The following RIT2 variants were observed in gnomAD, a reference collection of about 807,000 sequenced individuals.
RIT2 encodes Ras like without CAAX 2.
RIT2 carries 24 observed loss-of-function variants against 23.7 expected under a neutral mutation model. The ratio of observed to expected loss-of-function variants is 1.01; its 90% CI spans 0.73 to 1.43. The LOEUF is 1.43. Among genes scored for constraint, RIT2 ranks in the 40% most tolerant of loss-of-function variants. RIT2 has a pLI of 0.00. For missense variants in RIT2, 236 were observed against 266.9 expected (o/e 0.88, Z 0.81); for synonymous variants, 107 against 91.1 (o/e 1.17, Z -0.99).
At chr18:42,878,440 G>T (rs1046379118) in intron 4 of RIT2, among the ~76,000 whole-genome samples, 5 of 151,926 alleles carry the variant, frequency 3.3e-5, no homozygotes, top group Non-Finnish European at 2.9e-5. Flanking sequence ...TTCAGGTTGA[G>T]TAGGCTGAGA....
intron 4 of RIT2, among the ~76,000 whole-genome samples, chr18:42,847,986 C>G (rs1332112809): frequency 1.3e-5 from 2 of 150,472 alleles, no homozygotes; most frequent in Non-Finnish European, 3.0e-5. Context: ...TGTGATAGGC[C>G]TCCTAGATCC....
chr18:42,815,506 C>A (rs745474709), intron 4 of RIT2, among the ~76,000 whole-genome samples: 1 of 152,078 alleles, frequency 6.6e-6, no homozygotes, highest in Non-Finnish European at 1.5e-5. Context: ...TATCACTGTT[C>A]CCAAGGAAAA....
Position 43,115,563 on chromosome 18 carries a change from C to T in RIT2, c.-44G>A, listed in dbSNP as rs764157969. Reference sequence around the variant, plus strand: ...GGAAAAAAAGAAGGAGAAAGTCACCCGTGTCAGGTGCTTGCTCGAATATTA... The same window carrying T: ...GGAAAAAAAGAAGGAGAAAGTCACCTGTGTCAGGTGCTTGCTCGAATATTA... On this transcript the variant is annotated 5_prime_UTR_variant, in exon 1 of 5. Transcript: ENST00000326695. 13 of 1,595,572 alleles carry T rather than the reference C, an allele frequency of 8.1e-6. No individual in the cohort carries two copies. The highest frequency in any genetic ancestry group is 1.8e-5 in the Admixed American group (1 of 55,144).
At chr18:42,869,396 A>G (rs1410606132) in intron 4 of RIT2, among the ~76,000 whole-genome samples, 1 of 152,236 alleles carries the variant, frequency 6.6e-6, no homozygotes, top group Non-Finnish European at 1.5e-5. Flanking sequence ...GCCACGGATC[A>G]GTACAGGTCC....
chr18:43,095,455 A>G (rs554190592), intron 1 of RIT2, among the ~76,000 whole-genome samples: 1 of 152,110 alleles, frequency 6.6e-6, no homozygotes, highest in African/African-American at 2.4e-5. Context: ...TGGCACATGT[A>G]TACCTATGTA....
chr18:42,789,049 T>G (rs556211), intron 4 of RIT2, among the ~76,000 whole-genome samples: 98,444 of 152,048 alleles, frequency 0.65, 35,855 homozygotes, highest in Middle Eastern at 0.83. Context: ...AGTTTGTCAG[T>G]GTGAATCAAA....
chr18:43,044,201 C>G (rs1598759447), intron 1 of RIT2, among the ~76,000 whole-genome samples: 2 of 152,276 alleles, frequency 1.3e-5, no homozygotes, highest in Admixed American at 6.5e-5. Flanking sequence ...GCTTTTAATA[C>G]TGACAATGTT....
At chr18:43,088,124 G>A (rs1047054378) in intron 1 of RIT2, among the ~76,000 whole-genome samples, 2 of 151,984 alleles carry the variant, frequency 1.3e-5, no homozygotes, top group African/African-American at 4.8e-5. Context: ...TCTTTGAAAG[G>A]CGTATTACTC....
At chr18:43,004,214 G>C (rs1911175555) in intron 2 of RIT2, among the ~76,000 whole-genome samples, 1 of 151,604 alleles carries the variant, frequency 6.6e-6, no homozygotes, top group Non-Finnish European at 1.5e-5. Context: ...AATGAATAAG[G>C]TCTGTACTAA....
Position 43,115,621 on chromosome 18 carries a change from T to C in RIT2, c.-102A>G. 1 of 1,469,486 alleles carries C rather than the reference T, an allele frequency of 6.8e-7. No homozygotes were observed. Among genetic ancestry groups the C allele is most frequent in the Non-Finnish European group, 9.0e-7 (1 of 1,115,832 alleles). The allele number at this position is 1,469,486 out of a possible 1,614,324, so 91.0% of individuals were successfully genotyped here. ...CTAAAACTGTGTCAAAGCAAAGGTT[T>C]TAGTACGAGGTAAGAACCATCAGCG... On this transcript the variant is annotated 5_prime_UTR_variant, in exon 1 of 5. An upstream open reading frame in the 5' UTR loses its in-frame stop. Transcript: ENST00000326695.
intron 4 of RIT2, among the ~76,000 whole-genome samples, chr18:42,922,858 A>G (rs1909086193): frequency 1.3e-5 from 2 of 152,164 alleles, no homozygotes; most frequent in South Asian, 2.1e-4. Flanking sequence ...TGGATGGTAT[A>G]TAAGAGTAAT....
chr18:42,993,205 C>T (rs1910896371), intron 2 of RIT2, among the ~76,000 whole-genome samples: 1 of 152,194 alleles, frequency 6.6e-6, no homozygotes, highest in Admixed American at 6.5e-5. Flanking sequence ...AGGATTCCTC[C>T]TAAGCCACGT....
At chr18:42,748,081 C>A (rs1424631022) in intron 4 of RIT2, among the ~76,000 whole-genome samples, 2 of 152,126 alleles carry the variant, frequency 1.3e-5, no homozygotes, top group East Asian at 3.9e-4. Flanking sequence ...TCAAAATAAA[C>A]AATCAGCAGA....
At chr18:43,072,356 T>C (rs1912918392) in intron 1 of RIT2, among the ~76,000 whole-genome samples, 2 of 152,150 alleles carry the variant, frequency 1.3e-5, no homozygotes. Flanking sequence ...CTCTTCTAAG[T>C]CTTTTTGCGA....
chr18:42,921,579 G>T (rs1354036123), intron 4 of RIT2, among the ~76,000 whole-genome samples: 1 of 152,150 alleles, frequency 6.6e-6, no homozygotes, highest in Non-Finnish European at 1.5e-5. Flanking sequence ...CCTGGAGAGT[G>T]AAGGAAAAGT....
intron 4 of RIT2, among the ~76,000 whole-genome samples, chr18:42,865,968 T>C (rs918955594): frequency 6.6e-6 from 1 of 152,180 alleles, no homozygotes; most frequent in Non-Finnish European, 1.5e-5. Flanking sequence ...GGGACTTCTT[T>C]TTCTGTGATA....
At chr18:43,088,903 G>A (rs1198007380) in intron 1 of RIT2, among the ~76,000 whole-genome samples, 1 of 152,110 alleles carries the variant, frequency 6.6e-6, no homozygotes, top group East Asian at 1.9e-4. Flanking sequence ...GAAAAAACAT[G>A]AGGCAAAGTT....
In RIT2 at chr18:42,843,052, C is replaced by T. The variant is rs555564715; in HGVS notation, c.426+80520G>A. Among the ~76,000 whole-genome samples the T allele has an allele frequency of 2.0e-5, 3 of 152,242 alleles. No homozygotes were observed. The South Asian group carries it at 6.2e-4, about 32-fold the overall frequency. ...ACATTTTTACCTAACATCTGCCTTG[C>T]ACTAGATATTCTTCTAAGCATTGGG... On this transcript the variant is annotated intron_variant, in intron 4 of 4. Transcript: ENST00000326695.
intron 4 of RIT2, among the ~76,000 whole-genome samples, chr18:42,770,846 A>T (rs900215179): frequency 7.9e-5 from 12 of 152,008 alleles, no homozygotes; most frequent in African/African-American, 2.9e-4. Context: ...GAGGAAGGGA[A>T]AAAAAGGAAA....
Sources: allele counts gnomAD v4.1 joint callset (sites outside exome capture counted in the v4.1 genomes callset), GRCh38; gene constraint gnomAD v4.1.1; transcripts MANE v1.5; gene names NCBI Gene and HGNC (gene_info 2026-07-23, HGNC 2026-07-21).